The following DCAF5 variants were observed in gnomAD, a reference collection of about 807,000 sequenced individuals.
DCAF5 encodes the protein DDB1- and CUL4-associated factor 5.
Under a neutral mutation model 80.7 loss-of-function variants are expected in DCAF5, and 9 were observed. The ratio of observed to expected loss-of-function variants is 0.11; its 90% confidence interval spans 0.07 to 0.19. The LOEUF (loss-of-function observed/expected upper bound fraction) is 0.19, where lower values mean the gene tolerates loss of function less well. Ranked by LOEUF, DCAF5 falls within the 10% of genes least tolerant of loss-of-function variation. DCAF5 has a pLI of 1.00. For missense variants in DCAF5, 842 were observed against 1,205.7 expected, an observed-to-expected ratio of 0.70 and a Z score of 4.47; for synonymous variants, 433 against 461.9, an observed-to-expected ratio of 0.94 and a Z score of 0.80.
intron 1 of DCAF5, among the ~76,000 whole-genome samples, chr14:69,151,719 C>G (rs1156253376): frequency 1.3e-5 from 2 of 152,120 alleles, no homozygotes; most frequent in Non-Finnish European, 2.9e-5. Flanking sequence ...GCGAGCGCCC[C>G]CACCGGCAGC....
At chr14:69,102,107 C>CT (rs141874345) in intron 5 of DCAF5, among the ~76,000 whole-genome samples, 38,542 of 132,988 alleles carry the variant, frequency 0.29, 6,701 homozygotes, top group Middle Eastern at 0.43. Context: ...TTTACTATAA[C>CT]TTTTTTTTTT....
At chr14:69,084,374 G>C in intron 6 of DCAF5, 1 of 918,152 alleles carries the variant, frequency 1.1e-6, no homozygotes, top group African/African-American at 1.6e-5. Context: ...TCTGGTTATC[G>C]ATGAAGCTGA....
At chr14:69,148,691 T>C (rs780070386) in intron 1 of DCAF5, among the ~76,000 whole-genome samples, 12 of 152,116 alleles carry the variant, frequency 7.9e-5, no homozygotes, top group Non-Finnish European at 1.8e-4. Flanking sequence ...CAAGACTCCA[T>C]TGCCCCCACC....
chr14:69,076,439 T>C (rs2038901993), intron 6 of DCAF5, among the ~76,000 whole-genome samples: 1 of 152,228 alleles, frequency 6.6e-6, no homozygotes, highest in African/African-American at 2.4e-5. Context: ...ATACATACAA[T>C]GGAATATTAT....
chr14:69,109,591 CT>C (rs991676540), intron 5 of DCAF5, among the ~76,000 whole-genome samples: 15 of 152,032 alleles, frequency 9.9e-5, no homozygotes, highest in African/African-American at 3.6e-4. Flanking sequence ...TATTTGAATT[CT>C]TTTATTCAAT....
At chr14:69,057,519 C>T (rs1212174909) in intron 8 of DCAF5, among the ~76,000 whole-genome samples, 1 of 152,232 alleles carries the variant, frequency 6.6e-6, no homozygotes, top group Non-Finnish European at 1.5e-5. Context: ...CAGTGAGATG[C>T]TGGCTTAACT....
At chr14:69,086,031 C>T (rs2039305769) in intron 6 of DCAF5, among the ~76,000 whole-genome samples, 1 of 152,158 alleles carries the variant, frequency 6.6e-6, no homozygotes, top group Admixed American at 6.5e-5. Flanking sequence ...AAAACCTGTC[C>T]AATTGCACCC....
intron 5 of DCAF5, among the ~76,000 whole-genome samples, chr14:69,115,525 C>T (rs1394098060): frequency 6.6e-6 from 1 of 152,190 alleles, no homozygotes; most frequent in Non-Finnish European, 1.5e-5. Flanking sequence ...TGGGAAATTA[C>T]ATCTATGCAG....
chr14:69,151,644 C>A lies in DCAF5; in HGVS notation c.214+1121G>T, dbSNP rs965825205. On this transcript the variant is annotated intron_variant, in intron 1 of 8. Transcript: ENST00000341516. ...TCGGGGAGCCGCCCCCTAGCCCTCACGTAGGCCCATTCCCACCCGCCCCTG... is the reference window on the plus strand; with the variant it reads ...TCGGGGAGCCGCCCCCTAGCCCTCAAGTAGGCCCATTCCCACCCGCCCCTG... 2.0e-5 allele frequency among the ~76,000 whole-genome samples: 3 copies of A among 152,278 alleles called. No homozygotes were observed. The East Asian group carries it at 5.8e-4, about 29-fold the overall frequency.
At chr14:69,104,967 TG>T (rs1220970600) in intron 5 of DCAF5, among the ~76,000 whole-genome samples, 1 of 152,090 alleles carries the variant, frequency 6.6e-6, no homozygotes, top group Non-Finnish European at 1.5e-5. Flanking sequence ...CAAAAACCAT[TG>T]TAACAACTAG....
At chr14:69,084,540 T>C (rs1322541858) in intron 6 of DCAF5, 2 of 757,066 alleles carry the variant, frequency 2.6e-6, no homozygotes, top group Non-Finnish European at 4.7e-6. Flanking sequence ...TATGTTGGTG[T>C]TGATGACGAT....
intron 6 of DCAF5, among the ~76,000 whole-genome samples, chr14:69,082,944 G>C (rs1406312832): frequency 6.6e-6 from 1 of 152,164 alleles, no homozygotes; most frequent in East Asian, 1.9e-4. Flanking sequence ...CAGGAGCCAT[G>C]CATTAAAGAA....
At chr14:69,095,313 T>A (rs2139981691) in intron 5 of DCAF5, among the ~76,000 whole-genome samples, 1 of 152,224 alleles carries the variant, frequency 6.6e-6, no homozygotes, top group East Asian at 1.9e-4. Flanking sequence ...TAGTAAAACA[T>A]GTTAACAGTG....
intron 5 of DCAF5, among the ~76,000 whole-genome samples, chr14:69,097,582 A>ATTTTT (rs755644268): frequency 8.0e-6 from 1 of 125,300 alleles, no homozygotes; most frequent in Non-Finnish European, 1.6e-5. Flanking sequence ...TATTATTATT[A>ATTTTT]TTTTTTTTTT....
intron 4 of DCAF5, among the ~76,000 whole-genome samples, chr14:69,116,890 T>A (rs535176252): frequency 1.3e-5 from 2 of 152,250 alleles, no homozygotes; most frequent in East Asian, 1.9e-4. Context: ...ATTGTATTAG[T>A]TTTAGAAAAG....
rs1273961518 is a variant in DCAF5, at chr14:69,054,778, G to A, written c.1908C>T (p.Ser636=). ...TTGGTTGAATCTCTAGCGTGGAAGT[G>A]CTCCGCTCAGGGGACGAGGTTGGGG... ...SSSPTSSPER[S]TSTLEIQPSR... The change falls in exon 9 of 9, where the codon AGC becomes AGT. Residue 636 remains serine, a synonymous_variant. Coordinates refer to ENST00000341516, the MANE Select transcript of DCAF5 (RefSeq NM_003861.3). 1 of 1,614,128 alleles carries A rather than the reference G, an allele frequency of 6.2e-7. No individual in the cohort carries two copies. Among genetic ancestry groups the A allele is most frequent in the African/African-American group, 1.3e-5 (1 of 74,940 alleles).
intron 1 of DCAF5, among the ~76,000 whole-genome samples, chr14:69,126,623 A>C (rs2040883233): frequency 1.3e-5 from 2 of 152,238 alleles, no homozygotes; most frequent in African/African-American, 2.4e-5. Context: ...TTTGAAGAAC[A>C]AAGTTGGAGG....
intron 4 of DCAF5, among the ~76,000 whole-genome samples, chr14:69,117,046 A>G (rs1243360399): frequency 2.6e-5 from 4 of 152,202 alleles, no homozygotes; most frequent in Non-Finnish European, 2.9e-5. Flanking sequence ...TCACCTAGAA[A>G]CCCTGCAACA....
At position 69,054,382 on chromosome 14, in the gene DCAF5, G is replaced by A. The variant is rs1051005378; in HGVS notation, c.2304C>T (p.Ser768=). ...TTTCAAAAGGGTGCTCTACAGAGCCGCTATTGCCAGTGTCCTGAGAGGTAC... is the reference window on the plus strand; with the variant it reads ...TTTCAAAAGGGTGCTCTACAGAGCCACTATTGCCAGTGTCCTGAGAGGTAC... ...PEGTSQDTGN[S]GSVEHPFETK... Residue 768 remains serine, a synonymous_variant, in exon 9 of 9, where the codon AGC becomes AGT. Transcript: ENST00000341516. 10 of 1,613,940 alleles carry A rather than the reference G, an allele frequency of 6.2e-6. No individual in the cohort carries two copies. The highest frequency in any genetic ancestry group is 1.6e-4 in the Middle Eastern group (1 of 6,084).
Sources: gnomAD v4.1 joint callset for allele counts (sites outside exome capture counted in the v4.1 genomes callset) on GRCh38, gnomAD v4.1.1 for gene constraint, MANE v1.5 for transcripts, NCBI Gene and HGNC (gene_info 2026-07-23, HGNC 2026-07-21) for gene names.